Variants in MPP1 observed in about 807,000 individuals in gnomAD.
MPP1 encodes the protein 55 kDa erythrocyte membrane protein.
Under a neutral mutation model 38.2 loss-of-function variants are expected in MPP1, and 6 were observed. The observed-to-expected ratio is 0.16, with a 90% CI of 0.09 to 0.31. The LOEUF is 0.31. Among genes scored for constraint, MPP1 ranks in the 10% least tolerant of loss-of-function variants. The pLI is 1.00. For synonymous variants in MPP1, 153 were observed against 146.3 expected, an observed-to-expected ratio of 1.05 and a Z score of -0.33; for missense variants, 293 against 368.9, an observed-to-expected ratio of 0.79 and a Z score of 1.69.
chrX:154,783,542 G>A, intron 8 of MPP1, 35 bp from the exon 9 acceptor site: 1 of 1,103,405 alleles, frequency 9.1e-7, no homozygotes. Context: ...TTTGGAAAGG[G>A]GGGAGAGGAG....
At chrX:154,781,392 G>A in intron 10 of MPP1, 79 bp from the exon 11 acceptor site, 1 of 857,935 alleles carries the variant, frequency 1.2e-6, no homozygotes, top group East Asian at 3.1e-5. Context: ...CTACATAGCT[G>A]TCATAATGGA....
chrX:154,785,399 C>G (rs1472201500), intron 6 of MPP1, among the ~76,000 whole-genome samples: 3 of 110,476 alleles, frequency 2.7e-5, no homozygotes, highest in Non-Finnish European at 5.7e-5. Flanking sequence ...TGGACACAAC[C>G]CACAAACAAC....
In MPP1 at chrX:154,795,161, G is replaced by A. The variant is rs782172547; in HGVS notation, c.103-2876C>T. On this transcript the variant is annotated intron_variant, in intron 1 of 11. Transcript: ENST00000369534. Reference sequence around the variant, plus strand: ...CATGGTGAGGTTTGAAGTAGTATTCGCTATCAGGTGACCTCAAATGAGGGA... The same window carrying A: ...CATGGTGAGGTTTGAAGTAGTATTCACTATCAGGTGACCTCAAATGAGGGA... Among the ~76,000 whole-genome samples the A allele has an allele frequency of 8.8e-4, 98 of 111,710 alleles. 1 individual carries two copies. The highest frequency in any genetic ancestry group is 3.1e-3 in the East Asian group (11 of 3,566).
At position 154,783,434 on chromosome X, in the gene MPP1, A is replaced by G; in HGVS notation, c.939T>C (p.Pro313=). ...TGCCTAAGAGCTACTTACATGGGAC[A>G]GGGTACACAAACTTCTCCGGATTCT... The part of the protein sequence containing the change: ...LSQNPEKFVY[P]VPYTTRPPRK... The change falls in exon 9 of 12, where the codon CCT becomes CCC. Residue 313 remains proline, a synonymous_variant. Transcript: ENST00000369534. 1 of 1,209,171 alleles carries G rather than the reference A, an allele frequency of 8.3e-7. No individual in the cohort carries two copies. The highest frequency in any genetic ancestry group is 1.8e-5 in the South Asian group (1 of 56,360).
At chrX:154,780,774 T>C (rs781873850) in intron 11 of MPP1, among the ~76,000 whole-genome samples, 1 of 112,910 alleles carries the variant, frequency 8.9e-6, no homozygotes, top group East Asian at 2.8e-4. Context: ...CATTGTTCAA[T>C]GCAAAAGCAC....
chrX:154,787,921 C>A (rs1306636642), intron 5 of MPP1, among the ~76,000 whole-genome samples: 1 of 112,326 alleles, frequency 8.9e-6, no homozygotes, highest in African/African-American at 3.2e-5. Flanking sequence ...ATAAAAAGTT[C>A]CAAAATAGAC....
intron 11 of MPP1, 49 bp downstream of exon 11, chrX:154,781,190 G>A: frequency 9.2e-7 from 1 of 1,081,830 alleles, no homozygotes; most frequent in Non-Finnish European, 1.3e-6. Context: ...TCCCAGTATG[G>A]GCAGGCCCGG....
At chrX:154,799,278 C>T (rs1178537841) in intron 1 of MPP1, among the ~76,000 whole-genome samples, 1 of 111,918 alleles carries the variant, frequency 8.9e-6, no homozygotes, top group Non-Finnish European at 1.9e-5. Context: ...AAAACGGAAA[C>T]TTCCAACGTG....
chrX:154,800,002 T>A, intron 1 of MPP1: 1 of 596,821 alleles, frequency 1.7e-6, no homozygotes, highest in Non-Finnish European at 2.5e-6. Flanking sequence ...ACAATTAGAT[T>A]AAGTGACAGT....
chrX:154,805,476 TGGGCCAGTCACCGCCCCGCAG>T, exon 1 of MPP1: 1 of 832,401 alleles, frequency 1.2e-6, no homozygotes, highest in Non-Finnish European at 1.7e-6. Context: ...GCGGTGCGGC[TGGGCCAGTCACCGCCCCGCAG>T]GCGGTGCGCC....
intron 6 of MPP1, 74 bp from the exon 7 acceptor site, chrX:154,785,231 T>C: frequency 1.7e-6 from 1 of 592,241 alleles, no homozygotes; most frequent in Non-Finnish European, 2.3e-6. Flanking sequence ...ACTCAGTCTC[T>C]AATGGCACCC....
chrX:154,785,539 C>CATAT (rs2072062683), intron 6 of MPP1, among the ~76,000 whole-genome samples: 1 of 111,949 alleles, frequency 8.9e-6, no homozygotes, highest in Non-Finnish European at 1.9e-5. Flanking sequence ...ACACACCCCA[C>CATAT]ATATATATCT....
At chrX:154,791,649 G>C (rs2072142969) in intron 3 of MPP1, 120 bp downstream of exon 3, 3 of 619,773 alleles carry the variant, frequency 4.8e-6, no homozygotes, top group Non-Finnish European at 7.7e-6. Context: ...AAAGTCTCTT[G>C]GCACACTCAC....
intron 5 of MPP1, 52 bp from the exon 6 acceptor site, chrX:154,786,452 G>A (rs1557267205): frequency 9.3e-7 from 1 of 1,080,429 alleles, no homozygotes; most frequent in East Asian, 3.0e-5. Context: ...AGAAACACCA[G>A]CATCAGAGCA....
At position 154,805,265 on chromosome X, in the gene MPP1, C is replaced by T. The variant is rs374789212; in HGVS notation, c.102+7G>A. 1.7e-6 allele frequency: 2 copies of T among 1,195,049 alleles called. No individual in the cohort carries two copies. Among genetic ancestry groups the T allele is most frequent in the Non-Finnish European group, 2.3e-6 (2 of 885,774 alleles). On this transcript the variant is annotated splice_region_variant and intron_variant, in intron 1 of 11. Coordinates refer to ENST00000369534, the MANE Select transcript of MPP1 (RefSeq NM_002436.4). ...CAGCGCCCTTGGGACTAGCGGGGCC[C>T]GCTCACCTCTGGCCGACTACGCTTC...
chrX:154,793,514 T>C (rs782327706), intron 1 of MPP1, among the ~76,000 whole-genome samples: 62 of 112,139 alleles, frequency 5.5e-4, no homozygotes, highest in African/African-American at 1.8e-3. Context: ...AGAAGGTGGA[T>C]AGATGGGCAG....
At chrX:154,804,149 A>G (rs1557268919) in intron 1 of MPP1, among the ~76,000 whole-genome samples, 1 of 111,887 alleles carries the variant, frequency 8.9e-6, no homozygotes, top group African/African-American at 3.3e-5. Context: ...GATGCCCATT[A>G]CTTGTTTCCT....
chrX:154,783,362 G>A (rs2072031115), intron 9 of MPP1, 65 bp downstream of exon 9: 1 of 607,321 alleles, frequency 1.6e-6, no homozygotes, highest in Non-Finnish European at 2.5e-6. Context: ...TAACACTATG[G>A]TATTTCAGAT....
At chrX:154,782,337 CCT>C (rs1164096617) in intron 9 of MPP1, 1 of 112,878 alleles carries the variant, frequency 8.9e-6, no homozygotes, top group Non-Finnish European at 1.9e-5. Flanking sequence ...CCCAACCTCC[CCT>C]CTTTCCATCT....
Sources: allele counts gnomAD v4.1 joint callset (sites outside exome capture counted in the v4.1 genomes callset), GRCh38; gene constraint gnomAD v4.1.1; transcripts MANE v1.5; gene names NCBI Gene and HGNC (gene_info 2026-07-23, HGNC 2026-07-21).